The following DAB1 variants were observed in gnomAD, a reference collection of about 807,000 sequenced individuals.
The protein encoded by DAB1 is disabled homolog 1.
A neutral mutation model predicts 64.6 loss-of-function variants in DAB1; 15 were observed. The ratio of observed to expected loss-of-function variants is 0.23; its 90% confidence interval spans 0.16 to 0.36. DAB1 has a LOEUF of 0.36. Ranked by LOEUF, DAB1 falls within the 10% of genes least tolerant of loss-of-function variation. The probability of loss-of-function intolerance (pLI) is 1.00; values close to 1 mark genes in which losing one functional copy is unlikely to be tolerated. For missense variants in DAB1, 596 were observed against 706.7 expected (o/e 0.84, Z 1.78); for synonymous variants, 235 against 251.9 (o/e 0.93, Z 0.64).
chr1:57,959,506 T>C (rs1645467358), intron 5 of DAB1, among the ~76,000 whole-genome samples: 1 of 152,188 alleles, frequency 6.6e-6, no homozygotes, highest in Non-Finnish European at 1.5e-5. Context: ...TATATTCCCA[T>C]TTTATAGATG....
At chr1:58,141,143 G>A (rs1483963280) in intron 5 of DAB1, among the ~76,000 whole-genome samples, 1 of 152,122 alleles carries the variant, frequency 6.6e-6, no homozygotes, top group Non-Finnish European at 1.5e-5. Context: ...AGAGAGTTGG[G>A]GAGGTAGTTG....
At chr1:58,016,152 G>A (rs959499577) in intron 5 of DAB1, among the ~76,000 whole-genome samples, 2 of 152,008 alleles carry the variant, frequency 1.3e-5, no homozygotes, top group Non-Finnish European at 2.9e-5. Context: ...GTAAATTGGG[G>A]GTCAGTACAT....
intron 4 of DAB1, among the ~76,000 whole-genome samples, chr1:58,274,627 A>T (rs1226566902): frequency 6.6e-6 from 1 of 151,108 alleles, no homozygotes; most frequent in African/African-American, 2.4e-5. Flanking sequence ...TTGCAGTTTG[A>T]TCTCAGACTT....
chr1:57,342,975 C>T (rs1006521691), intron 1 of DAB1, among the ~76,000 whole-genome samples: 1 of 152,210 alleles, frequency 6.6e-6, no homozygotes, highest in East Asian at 1.9e-4. Context: ...GCTTCCACAG[C>T]TCAGAAGGGG....
chr1:57,002,697 G>A (rs776419383), intron 14 of DAB1, among the ~76,000 whole-genome samples: 15 of 152,200 alleles, frequency 9.9e-5, no homozygotes, highest in Non-Finnish European at 5.9e-5. Flanking sequence ...TATGCTGATG[G>A]TATGTGAAAT....
chr1:58,165,841 G>A (rs1265285009), intron 4 of DAB1, among the ~76,000 whole-genome samples: 1 of 152,192 alleles, frequency 6.6e-6, no homozygotes, highest in Non-Finnish European at 1.5e-5. Context: ...AGACTATGTT[G>A]CTGTCATTGA....
chr1:58,111,220 T>C (rs1278951791), intron 5 of DAB1, among the ~76,000 whole-genome samples: 2 of 152,256 alleles, frequency 1.3e-5, no homozygotes, highest in Admixed American at 6.5e-5. Context: ...TGCTTCCACA[T>C]AGCTGTGTAA....
intron 1 of DAB1, among the ~76,000 whole-genome samples, chr1:57,830,028 C>T (rs1241983926): frequency 6.6e-6 from 1 of 152,188 alleles, no homozygotes; most frequent in African/African-American, 2.4e-5. Flanking sequence ...TCTACACTCT[C>T]TCCTGCTCTG....
At chr1:58,361,981 C>T (rs1022018251) in intron 3 of DAB1, among the ~76,000 whole-genome samples, 25 of 150,466 alleles carry the variant, frequency 1.7e-4, no homozygotes, top group African/African-American at 5.6e-4. Flanking sequence ...TCTCCTACCT[C>T]GGCCTCCCAA....
At chr1:57,070,250 T>C (rs1441986061) in intron 7 of DAB1, among the ~76,000 whole-genome samples, 1 of 152,222 alleles carries the variant, frequency 6.6e-6, no homozygotes, top group Non-Finnish European at 1.5e-5. Context: ...AGAACACCTA[T>C]GCATCCAGTT....
chr1:57,146,269 G>A (rs1313157421), intron 2 of DAB1, among the ~76,000 whole-genome samples: 3 of 152,168 alleles, frequency 2.0e-5, no homozygotes, highest in Non-Finnish European at 4.4e-5. Flanking sequence ...GCTTGCCCAA[G>A]TAAACATAGT....
At chr1:58,483,684 A>C (rs942532079) in intron 3 of DAB1, among the ~76,000 whole-genome samples, 1 of 152,226 alleles carries the variant, frequency 6.6e-6, no homozygotes, top group Non-Finnish European at 1.5e-5. Flanking sequence ...ACAGAAAGTC[A>C]GATCCTCAGC....
chr1:57,151,274 A>G (rs1035389777), intron 2 of DAB1, among the ~76,000 whole-genome samples: 77 of 152,200 alleles, frequency 5.1e-4, no homozygotes, highest in African/African-American at 1.8e-3. Context: ...TAATTAATTG[A>G]TTCATTCATT....
At chr1:57,657,939 A>C (rs1646337481) in intron 6 of DAB1, among the ~76,000 whole-genome samples, 1 of 152,208 alleles carries the variant, frequency 6.6e-6, no homozygotes, top group Non-Finnish European at 1.5e-5. Flanking sequence ...TGACAGATTG[A>C]TTCATTTACC....
intron 1 of DAB1, among the ~76,000 whole-genome samples, chr1:57,388,614 T>A (rs1320674541): frequency 6.6e-6 from 1 of 152,164 alleles, no homozygotes; most frequent in Non-Finnish European, 1.5e-5. Context: ...GCCTGCTACC[T>A]TTTCTGCTTT....
intron 2 of DAB1, among the ~76,000 whole-genome samples, chr1:57,192,045 C>T (rs992121072): frequency 1.3e-5 from 2 of 151,996 alleles, no homozygotes; most frequent in African/African-American, 4.8e-5. Context: ...AGGCTGGGCA[C>T]GATGGCTCAC....
intron 7 of DAB1, among the ~76,000 whole-genome samples, chr1:57,545,107 C>T (rs566718021): frequency 3.3e-5 from 5 of 152,290 alleles, no homozygotes; most frequent in African/African-American, 1.2e-4. Flanking sequence ...CTTTTTGTTT[C>T]CTCAGCCTCT....
At chr1:58,029,810 G>C (rs1248848627) in intron 5 of DAB1, among the ~76,000 whole-genome samples, 1 of 152,080 alleles carries the variant, frequency 6.6e-6, no homozygotes, top group East Asian at 1.9e-4. Context: ...CAATAAAAAA[G>C]TAAGTGTAAA....
intron 3 of DAB1, among the ~76,000 whole-genome samples, chr1:58,426,300 C>T (rs1199841420): frequency 6.6e-6 from 1 of 152,090 alleles, no homozygotes; most frequent in Non-Finnish European, 1.5e-5. Flanking sequence ...GTGTTGGCCT[C>T]CACCCTGGAT....
Sources: gnomAD v4.1 joint callset for allele counts (sites outside exome capture counted in the v4.1 genomes callset) on GRCh38, gnomAD v4.1.1 for gene constraint, MANE v1.5 for transcripts, NCBI Gene and HGNC (gene_info 2026-07-23, HGNC 2026-07-21) for gene names.